ATRX: variants seen among roughly 807,000 people sequenced by gnomAD.
ATRX encodes the protein chromatin remodeler ATRX.
In ATRX, 12 loss-of-function variants were observed where a neutral mutation model predicts 172.6. That is an observed-to-expected ratio of 0.07 (90% CI 0.04 to 0.11). The LOEUF is 0.11. Ranked by LOEUF, ATRX falls within the 10% of genes least tolerant of loss-of-function variation. The probability of loss-of-function intolerance (pLI) is 1.00; values close to 1 mark genes in which losing one functional copy is unlikely to be tolerated. For missense variants in ATRX, 1,368 were observed against 1,767.4 expected (o/e 0.77, Z 4.05); for synonymous variants, 674 against 594.7 (o/e 1.13, Z -1.94).
rs782605333 is a variant in ATRX, at chrX:77,573,717, G to C, written c.6326+533C>G. The stretch of plus-strand genomic sequence containing the variant: ...CTGGAACTCTCATACAACTGCGGGT[G>C]GGAATGAAAAATTGTACAGTCACTT... On this transcript the variant is annotated intron_variant, in intron 28 of 34. Coordinates refer to ENST00000373344, the MANE Select transcript of ATRX (RefSeq NM_000489.6). 2.7e-5 allele frequency among the ~76,000 whole-genome samples: 3 copies of C among 111,509 alleles called. No homozygotes were observed. In the East Asian group the frequency reaches 8.4e-4, roughly 31 times the overall value.
Position 77,681,689 on chromosome X carries a change from T to C in ATRX, c.3567A>G (p.Leu1189=), listed in dbSNP as rs2148569983. ...VIVKEKKRNS[L]RTSTKRKQAD... ...CTTGCTTCCTTTTAGTGCTTGTTCT[T>C]AGGGAGTTTCTCTTTTTCTCCTTGA... Residue 1189 remains leucine (L), a synonymous_variant, in exon 9 of 35, where the codon CTA becomes CTG. Transcript: ENST00000373344. The C allele has an allele frequency of 1.7e-6, 2 of 1,209,015 alleles. No individual in the cohort carries two copies. The highest frequency in any genetic ancestry group is 2.2e-6 in the Non-Finnish European group (2 of 894,779).
intron 1 of ATRX, among the ~76,000 whole-genome samples, chrX:77,762,382 C>A (rs1165739002): frequency 9.6e-6 from 1 of 104,683 alleles, no homozygotes; most frequent in Admixed American, 1.0e-4. Flanking sequence ...AATAAACACA[C>A]AAGCAAAACC....
intron 1 of ATRX, among the ~76,000 whole-genome samples, chrX:77,726,095 C>T (rs1181944038): frequency 9.0e-6 from 1 of 111,565 alleles, no homozygotes; most frequent in African/African-American, 3.3e-5. Flanking sequence ...ACTAGAAATA[C>T]CATTTGACCC....
intron 28 of ATRX, among the ~76,000 whole-genome samples, chrX:77,561,904 A>C (rs1557062203): frequency 9.0e-6 from 1 of 111,431 alleles, no homozygotes; most frequent in Non-Finnish European, 1.9e-5. Context: ...TTTTTGTTTG[A>C]TGTATAGTTC....
intron 30 of ATRX, among the ~76,000 whole-genome samples, chrX:77,523,727 A>G (rs1162058581): frequency 1.8e-5 from 2 of 111,715 alleles, no homozygotes; most frequent in African/African-American, 6.5e-5. Context: ...ATGCTAACAT[A>G]AGTCTGCTTA....
chrX:77,741,659 A>G (rs1368644694), intron 1 of ATRX, among the ~76,000 whole-genome samples: 2 of 110,769 alleles, frequency 1.8e-5, no homozygotes, highest in Non-Finnish European at 3.8e-5. Flanking sequence ...ACAGGGTTTC[A>G]CCATGTTGGT....
chrX:77,756,563 A>G (rs2075504060), intron 1 of ATRX, among the ~76,000 whole-genome samples: 1 of 109,551 alleles, frequency 9.1e-6, no homozygotes, highest in Admixed American at 9.9e-5. Flanking sequence ...GATAGCATAG[A>G]CTCACGGGTT....
intron 30 of ATRX, among the ~76,000 whole-genome samples, chrX:77,552,380 C>T (rs1302703126): frequency 9.9e-6 from 1 of 101,288 alleles, no homozygotes; most frequent in African/African-American, 3.7e-5. Flanking sequence ...CCAAACACCC[C>T]ATGTTCTCAC....
At chrX:77,659,473 TTC>T (rs1408267975) in intron 12 of ATRX, among the ~76,000 whole-genome samples, 1 of 78,184 alleles carries the variant, frequency 1.3e-5, no homozygotes. Flanking sequence ...CTTTTTTTCT[TTC>T]TCTCTCTACA....
chrX:77,682,823 C>A lies in ATRX; in HGVS notation c.2433G>T (p.Gln811His), dbSNP rs1557139658. ...SIISKKKRQT[Q>H]SESSNYDSEL... ...CTGAGTCATAATTAGAAGACTCAGA[C>A]TGGGTTTGTCGTTTCTTTTTAGAAA... The change falls in exon 9 of 35, where the codon CAG becomes CAT. Residue 811 changes from glutamine to histidine, a missense_variant. Physicochemically the swap from Gln to His is conservative, Grantham distance 24. This residue lies in a region of ATRX where 843 missense variants were observed against 643.1 expected (regional missense o/e 1.31). Coordinates refer to ENST00000373344, the MANE Select transcript of ATRX (RefSeq NM_000489.6). 1 of 1,206,267 alleles carries A rather than the reference C, an allele frequency of 8.3e-7. No homozygotes were observed. The highest frequency in any genetic ancestry group is 1.8e-5 in the African/African-American group (1 of 56,787).
rs915541135 is a variant in ATRX at position 77,629,770 on chromosome X, T to C, written c.5134+3437A>G. 1.5e-4 allele frequency among the ~76,000 whole-genome samples: 17 copies of C among 112,099 alleles called. No homozygotes were observed. The Admixed American group carries it at 1.6e-3, about 11-fold the overall frequency. On this transcript the variant is annotated intron_variant, in intron 19 of 34. Transcript: ENST00000373344. ...AATGTCATACTTAATGGTGGAGAACTGAAAGCTTTCCCTGAGATCAAAAAC... is the reference window on the plus strand; with the variant it reads ...AATGTCATACTTAATGGTGGAGAACCGAAAGCTTTCCCTGAGATCAAAAAC...
chrX:77,763,932 G>C (rs1182739994), intron 1 of ATRX, among the ~76,000 whole-genome samples: 1 of 110,042 alleles, frequency 9.1e-6, no homozygotes, highest in Non-Finnish European at 1.9e-5. Flanking sequence ...TGGGCAACAA[G>C]GTGAAACCCC....
chrX:77,673,605 T>C (rs1379905118), intron 10 of ATRX, among the ~76,000 whole-genome samples: 3 of 111,241 alleles, frequency 2.7e-5, no homozygotes, highest in Non-Finnish European at 5.7e-5. Flanking sequence ...CATAATATTA[T>C]ACATTTACTT....
At chrX:77,700,372 T>A (rs1274618631) in intron 2 of ATRX, among the ~76,000 whole-genome samples, 2 of 111,595 alleles carry the variant, frequency 1.8e-5, no homozygotes, top group Non-Finnish European at 3.8e-5. Context: ...AAAGAAACTA[T>A]CATTTATTGC....
chrX:77,711,317 C>A (rs2073098781), intron 2 of ATRX, among the ~76,000 whole-genome samples: 1 of 111,749 alleles, frequency 8.9e-6, no homozygotes, highest in Non-Finnish European at 1.9e-5. Context: ...CATCATCATT[C>A]TTCAATGTAA....
At chrX:77,630,374 G>A (rs1414864907) in intron 19 of ATRX, among the ~76,000 whole-genome samples, 3 of 111,676 alleles carry the variant, frequency 2.7e-5, no homozygotes, top group Non-Finnish European at 5.6e-5. Context: ...GTTTCTTTGA[G>A]GAAATATAAA....
intron 22 of ATRX, among the ~76,000 whole-genome samples, chrX:77,615,530 T>A (rs1557096258): frequency 8.9e-6 from 1 of 111,923 alleles, no homozygotes; most frequent in Non-Finnish European, 1.9e-5. Context: ...GCAATTTTTA[T>A]TATTCAAAAC....
At chrX:77,734,318 T>C (rs2074440189) in intron 1 of ATRX, among the ~76,000 whole-genome samples, 1 of 111,272 alleles carries the variant, frequency 9.0e-6, no homozygotes, top group Admixed American at 9.6e-5. Flanking sequence ...CTCAGGAGGC[T>C]GAGGCAGGAG....
intron 1 of ATRX, among the ~76,000 whole-genome samples, chrX:77,765,034 G>A (rs2075858826): frequency 9.0e-6 from 1 of 110,817 alleles, no homozygotes; most frequent in African/African-American, 3.3e-5. Context: ...AGGTGTGGTG[G>A]TGGGTGCCTG....
Sources: gnomAD v4.1 joint callset for allele counts (sites outside exome capture counted in the v4.1 genomes callset) on GRCh38, gnomAD v4.1.1 for gene constraint, gnomAD v4.1.1 regional missense constraint, MANE v1.5 for transcripts, NCBI Gene and HGNC (gene_info 2026-07-23, HGNC 2026-07-21) for gene names.